Variants in TOMM20 observed in about 807,000 individuals in gnomAD.
TOMM20 encodes mitochondrial import receptor subunit TOM20 homolog.
TOMM20 carries 10 observed loss-of-function variants against 22.1 expected under a neutral mutation model. That is an observed-to-expected ratio of 0.45 (90% confidence interval 0.28 to 0.77). The LOEUF (loss-of-function observed/expected upper bound fraction) is 0.77. Among genes scored for constraint, TOMM20 ranks in the 30% least tolerant of loss-of-function variants. The probability of loss-of-function intolerance (pLI) is 0.13; values close to 1 mark genes in which losing one functional copy is unlikely to be tolerated. For synonymous variants in TOMM20, 55 were observed against 61.4 expected (o/e 0.90, Z 0.49); for missense variants, 121 against 172.2 (o/e 0.70, Z 1.66).
At chr1:235,115,043 TA>T (rs1397315998) in intron 3 of TOMM20, among the ~76,000 whole-genome samples, 1 of 151,674 alleles carries the variant, frequency 6.6e-6, no homozygotes, top group African/African-American at 2.4e-5. Context: ...CTAATTTTGC[TA>T]ATTTTTTTTT....
At chr1:235,127,419 TTA>T (rs1384213138) in intron 1 of TOMM20, among the ~76,000 whole-genome samples, 4 of 152,190 alleles carry the variant, frequency 2.6e-5, no homozygotes, top group Non-Finnish European at 5.9e-5. Context: ...ATAAATCAAA[TTA>T]TGTCTATATC....
intron 4 of TOMM20, among the ~76,000 whole-genome samples, chr1:235,113,164 C>G (rs905281451): frequency 2.0e-5 from 3 of 152,170 alleles, no homozygotes; most frequent in Non-Finnish European, 2.9e-5. Flanking sequence ...GAAAAGAACT[C>G]AAAATGAAGA....
At chr1:235,126,294 G>A (rs1267739042) in intron 1 of TOMM20, among the ~76,000 whole-genome samples, 2 of 150,126 alleles carry the variant, frequency 1.3e-5, no homozygotes, top group South Asian at 2.1e-4. Context: ...CACCACACCC[G>A]GCTAATTTTT....
rs1340056148 is a variant in TOMM20 at position 235,110,550 on chromosome 1, G to A, written c.*1514C>T. 4 of 152,150 alleles carry A rather than the reference G, an allele frequency of 2.6e-5. No homozygotes were observed. The highest frequency in any genetic ancestry group is 1.9e-4 in the East Asian group (1 of 5,194). The allele number at this position is 152,150 out of a possible 1,614,324, so 9.4% of individuals were successfully genotyped here. A position where few individuals can be genotyped will look rare whatever the true frequency, so the allele number is the denominator to read the frequency against. ...AGGATCACAAACCCTCAAGATACCCGAGAAAAGTCCTCAAATGTGAGTCGC... is the reference window on the plus strand; with the variant it reads ...AGGATCACAAACCCTCAAGATACCCAAGAAAAGTCCTCAAATGTGAGTCGC... On this transcript the variant is annotated 3_prime_UTR_variant, in exon 5 of 5. Coordinates refer to ENST00000366607, the MANE Select transcript of TOMM20 (RefSeq NM_014765.3).
In TOMM20 at chr1:235,112,100, T is replaced by C. The variant is rs757168517; in HGVS notation, c.402A>G (p.Val134=). 32 of 1,605,598 alleles carry C rather than the reference T, an allele frequency of 2.0e-5. No individual in the cohort carries two copies. In the Admixed American group the frequency reaches 5.5e-4, roughly 28 times the overall value. Residue 134 remains valine (V), a synonymous_variant, in exon 5 of 5, where the codon GTA becomes GTG. Transcript: ENST00000366607. ...TKLPTISQRI[V]SAQSLAEDDV... is the part of the protein sequence containing the mutation. ...CATCTTCAGCCAAGCTCTGAGCACTTACAATTCTCTGAAAGAAAAAAAAAA... is the reference window on the plus strand; with the variant it reads ...CATCTTCAGCCAAGCTCTGAGCACTCACAATTCTCTGAAAGAAAAAAAAAA...
rs1438952342 is a variant in TOMM20 at position 235,116,905 on chromosome 1, G to A, written c.250+2913C>T. Among the ~76,000 whole-genome samples the A allele has an allele frequency of 3.9e-5, 6 of 152,004 alleles. No homozygotes were observed. The South Asian group carries it at 6.2e-4, about 16-fold the overall frequency. The stretch of plus-strand genomic sequence containing the variant: ...AATCCCAGCACTTTGGGAGGCCAAG[G>A]CGGGCGGATCACAAGGTCAGGAGAT... On this transcript the variant is annotated intron_variant, in intron 3 of 4. Coordinates refer to ENST00000366607, the MANE Select transcript of TOMM20 (RefSeq NM_014765.3).
In TOMM20 at chr1:235,128,783, T is replaced by C. The variant is rs1221583506; in HGVS notation, c.-68A>G. 1 of 1,604,220 alleles carries C rather than the reference T, an allele frequency of 6.2e-7. No individual in the cohort carries two copies. The highest frequency in any genetic ancestry group is 8.5e-7 in the Non-Finnish European group (1 of 1,176,146). Reference sequence around the variant, plus strand: ...CGAAGGAGCGGTGGGCCACGAACCCTCAGAGCGGTCGGCGCAGCTCACACC... The same window carrying C: ...CGAAGGAGCGGTGGGCCACGAACCCCCAGAGCGGTCGGCGCAGCTCACACC... On this transcript the variant is annotated 5_prime_UTR_variant, in exon 1 of 5. Transcript: ENST00000366607.
intron 3 of TOMM20, among the ~76,000 whole-genome samples, chr1:235,118,252 G>GT (rs1450964285): frequency 3.3e-5 from 5 of 152,322 alleles, no homozygotes; most frequent in South Asian, 2.1e-4. Flanking sequence ...CCAGATCGTC[G>GT]TAAGTGGTAT....
chr1:235,127,673 A>G (rs1661047592), intron 1 of TOMM20: 1 of 382,190 alleles, frequency 2.6e-6, no homozygotes, highest in Non-Finnish European at 5.2e-6. Context: ...AACAACCAAG[A>G]TAAGCCAAAA....
rs2102815618 is a variant in TOMM20 at position 235,128,776 on chromosome 1, C to G, written c.-61G>C. The G allele has an allele frequency of 1.9e-6, 3 of 1,608,582 alleles. No individual in the cohort carries two copies. The highest frequency in any genetic ancestry group is 1.7e-6 in the Non-Finnish European group (2 of 1,178,216). On this transcript the variant is annotated 5_prime_UTR_variant, in exon 1 of 5. Coordinates refer to ENST00000366607, the MANE Select transcript of TOMM20 (RefSeq NM_014765.3). The stretch of plus-strand genomic sequence containing the variant: ...GGGACCGCGAAGGAGCGGTGGGCCA[C>G]GAACCCTCAGAGCGGTCGGCGCAGC...
rs958387432 is a variant in TOMM20 at position 235,126,070 on chromosome 1, G to C, written c.121+2525C>G. ...TGCGCCTGGTCGATAGATTAGATTA[G>C]ATAGATAGATAGATAGATAAAGATA... On this transcript the variant is annotated intron_variant, in intron 1 of 4. Transcript: ENST00000366607. 6.0e-5 allele frequency among the ~76,000 whole-genome samples: 9 copies of C among 149,412 alleles called. No homozygotes were observed. In the Admixed American group the frequency reaches 6.0e-4, roughly 10 times the overall value.
intron 1 of TOMM20, among the ~76,000 whole-genome samples, chr1:235,125,966 C>T (rs1205674440): frequency 1.3e-5 from 2 of 151,468 alleles, no homozygotes; most frequent in Non-Finnish European, 2.9e-5. Flanking sequence ...CCATGTTGAC[C>T]AGGCTGGTCT....
rs1303217987 is a variant in TOMM20, at chr1:235,112,200, TTGAA to T, written c.394-96_394-93del. 8 of 1,035,552 alleles carry T rather than the reference TTGAA, an allele frequency of 7.7e-6. No individual in the cohort carries two copies. The African/African-American group carries it at 1.3e-4, about 17-fold the overall frequency. 64.1% of individuals were successfully genotyped at this position (1,035,552 alleles called of 1,614,324 possible). On this transcript the variant is annotated intron_variant, in intron 4 of 4. Transcript: ENST00000366607. ...TAAAATGCTCTTTGTATTCAAAGAA[TTGAA>T]TCTTAGTAAAGTTCACCCATTCTGA...
rs1660728575 is a variant in TOMM20, at chr1:235,110,859, C to T, written c.*1205G>A. ...TGCCACCAAGTACCAAGGATCCTTA[C>T]TCAGTTCTGAAACTGTGACTACGGA... On this transcript the variant is annotated 3_prime_UTR_variant, in exon 5 of 5. Transcript: ENST00000366607. 1 of 152,212 alleles carries T rather than the reference C, an allele frequency of 6.6e-6. No individual in the cohort carries two copies. Among genetic ancestry groups the T allele is most frequent in the African/African-American group, 2.4e-5 (1 of 41,444 alleles). The allele number at this position is 152,212 out of a possible 1,614,324, so 9.4% of individuals were successfully genotyped here.
intron 1 of TOMM20, among the ~76,000 whole-genome samples, chr1:235,127,220 T>C (rs924778924): frequency 1.3e-4 from 20 of 152,180 alleles, no homozygotes; most frequent in Admixed American, 6.5e-5. Context: ...GAGGAGCATT[T>C]CCTATGTCAG....
chr1:235,128,494 G>A lies in TOMM20; in HGVS notation c.121+101C>T, dbSNP rs1017111206. The A allele has an allele frequency of 5.1e-6, 8 of 1,567,536 alleles. No homozygotes were observed. The Admixed American group carries it at 1.3e-4, about 25-fold the overall frequency. ...CTATTGAGGGCCGCACCACGCGGTC[G>A]CCCTGCGCGGCCCACAGGCTGGTGG... On this transcript the variant is annotated intron_variant, in intron 1 of 4. Transcript: ENST00000366607.
At chr1:235,122,784 G>T (rs544066808) in intron 1 of TOMM20, among the ~76,000 whole-genome samples, 1 of 152,266 alleles carries the variant, frequency 6.6e-6, no homozygotes, top group African/African-American at 2.4e-5. Context: ...GTTGCAAACT[G>T]GCATTCTTAA....
rs927738638 is a variant in TOMM20 at position 235,110,667 on chromosome 1, C to T, written c.*1397G>A. On this transcript the variant is annotated 3_prime_UTR_variant, in exon 5 of 5. Transcript: ENST00000366607. ...GAGGCAGAAACTAGACCTATTTCTC[C>T]TTCCACTGCACCACAAAAAAACCGA... The T allele has an allele frequency of 6.6e-6, 1 of 152,148 alleles. No homozygotes were observed. The highest frequency in any genetic ancestry group is 1.5e-5 in the Non-Finnish European group (1 of 68,038). The allele number at this position is 152,148 out of a possible 1,614,324, so 9.4% of individuals were successfully genotyped here.
intron 3 of TOMM20, among the ~76,000 whole-genome samples, chr1:235,114,393 G>A (rs1357785041): frequency 6.6e-6 from 1 of 151,578 alleles, no homozygotes; most frequent in African/African-American, 2.4e-5. Flanking sequence ...AATATGACAG[G>A]AGAAATAAAG....
Sources: gnomAD v4.1 joint callset for allele counts (sites outside exome capture counted in the v4.1 genomes callset) on GRCh38, gnomAD v4.1.1 for gene constraint, MANE v1.5 for transcripts, NCBI Gene and HGNC (gene_info 2026-07-23, HGNC 2026-07-21) for gene names.